The following GALNT2 variants were observed in gnomAD, a reference collection of about 807,000 sequenced individuals.
The protein encoded by GALNT2 is UDP-GalNAc:polypeptide N-acetylgalactosaminyltransferase 2.
GALNT2 carries 31 observed loss-of-function variants against 81.4 expected under a neutral mutation model. The ratio of observed to expected loss-of-function variants is 0.38; its 90% CI spans 0.29 to 0.51. GALNT2 has a LOEUF of 0.51. Among genes scored for constraint, GALNT2 ranks in the 20% least tolerant of loss-of-function variants. GALNT2 has a pLI of 0.87. For missense variants in GALNT2, 629 were observed against 765.7 expected (o/e 0.82, Z 2.11); for synonymous variants, 303 against 287.4 (o/e 1.05, Z -0.55).
At chr1:230,165,522 C>T (rs1438329756) in intron 1 of GALNT2, among the ~76,000 whole-genome samples, 3 of 152,218 alleles carry the variant, frequency 2.0e-5, no homozygotes, top group Non-Finnish European at 4.4e-5. Context: ...GATTTTCAGT[C>T]GCTTTCTAGT....
intron 3 of GALNT2, among the ~76,000 whole-genome samples, chr1:230,223,206 T>TTA (rs1664604214): frequency 6.6e-6 from 1 of 151,070 alleles, no homozygotes; most frequent in South Asian, 2.1e-4. Context: ...TTTTTTTTTT[T>TTA]AATAGAGATG....
chr1:230,095,267 A>T (rs1000378130), intron 1 of GALNT2, among the ~76,000 whole-genome samples: 1 of 152,072 alleles, frequency 6.6e-6, no homozygotes, highest in African/African-American at 2.4e-5. Context: ...TAAAAATAGT[A>T]ACCCCACATG....
At position 230,271,927 on chromosome 1, in the gene GALNT2, A is replaced by G. The variant is rs373983775; in HGVS notation, c.1441-2518A>G. Among the ~76,000 whole-genome samples the G allele has an allele frequency of 1.1e-4, 16 of 152,324 alleles. No homozygotes were observed. The East Asian group carries it at 1.9e-3, about 18-fold the overall frequency. On this transcript the variant is annotated intron_variant, in intron 14 of 15. Transcript: ENST00000366672. The surrounding 1 kb of genome is among the most constrained non-coding windows in gnomAD (Gnocchi z 4.2). ...GACTGACGGTTTCAAGCTTCTCAGC[A>G]TAACCTGGTCTTTCTGGTGACCAGC...
In GALNT2 at chr1:230,110,714, G is replaced by GTTTTTTTTTTTTTTTTTTT. The variant is rs113630188; in HGVS notation, c.126+43322_126+43323insTTTTTTTTTTTTTTTTTTT. On this transcript the variant is annotated intron_variant, in intron 1 of 15. Transcript: ENST00000366672. Reference sequence around the variant, plus strand: ...GGGTCTCTCTCAGCTGTGCTTTTCTGTTTTTTTTTTTTTTGTCTTCAATAG... The same window carrying GTTTTTTTTTTTTTTTTTTT: ...GGGTCTCTCTCAGCTGTGCTTTTCTGTTTTTTTTTTTTTTTTTTTTTTTTTTTTTTTTTGTCTTCAATAG... 3.6e-5 allele frequency among the ~76,000 whole-genome samples: 5 copies of GTTTTTTTTTTTTTTTTTTT among 137,656 alleles called. 1 individual carries two copies. Among genetic ancestry groups the GTTTTTTTTTTTTTTTTTTT allele is most frequent in the Non-Finnish European group, 1.6e-5 (1 of 63,650 alleles). 90.3% of individuals were successfully genotyped at this position (137,656 alleles called of 152,430 possible). A position where few individuals can be genotyped will look rare whatever the true frequency, so the allele number is the denominator to read the frequency against.
At chr1:230,245,082 A>G (rs1665323531) in intron 7 of GALNT2, among the ~76,000 whole-genome samples, 1 of 152,178 alleles carries the variant, frequency 6.6e-6, no homozygotes, top group Non-Finnish European at 1.5e-5. Context: ...AGAGATGTTA[A>G]AAGGCCTTAT....
At chr1:230,236,574 CTTAGATGA>C (rs1229432896) in intron 5 of GALNT2, 78 bp from the exon 6 acceptor site, 22 of 1,460,332 alleles carry the variant, frequency 1.5e-5, no homozygotes, top group Non-Finnish European at 1.7e-5. Context: ...ATAATCGGCC[CTTAGATGA>C]TTGAGAATAC....
At chr1:230,062,001 A>G (rs55783932) in intron 1 of GALNT2, among the ~76,000 whole-genome samples, 1 of 152,154 alleles carries the variant, frequency 6.6e-6, no homozygotes, top group Non-Finnish European at 1.5e-5. Flanking sequence ...AATATCCTGG[A>G]TATTACGCTA....
In GALNT2 at chr1:230,279,395, C is replaced by CGTG. The variant is rs761075592; in HGVS notation, c.1655_1657dup (p.Val552dup). The CGTG allele has an allele frequency of 6.2e-7, 1 of 1,614,128 alleles. No homozygotes were observed. Among genetic ancestry groups the CGTG allele is most frequent in the South Asian group, 1.1e-5 (1 of 91,078 alleles). Reference sequence around the variant, plus strand: ...GCACGGCCAAGAGCGGGGGCCTAAGCGTGGAGGTGTGTGGCCCGGCCCTTT... The same window carrying CGTG: ...GCACGGCCAAGAGCGGGGGCCTAAGCGTGGTGGAGGTGTGTGGCCCGGCCCTTT... On this transcript the variant is annotated inframe_insertion, in exon 16 of 16. Coordinates refer to ENST00000366672, the MANE Select transcript of GALNT2 (RefSeq NM_004481.5). The surrounding 1 kb of genome is among the most constrained non-coding windows in gnomAD (Gnocchi z 4.6).
chr1:230,216,628 A>G (rs542724764), intron 3 of GALNT2, among the ~76,000 whole-genome samples: 52 of 152,180 alleles, frequency 3.4e-4, no homozygotes, highest in African/African-American at 8.9e-4. Context: ...GGGTGTTGCT[A>G]TGTTGCCCAC....
intron 2 of GALNT2, among the ~76,000 whole-genome samples, chr1:230,191,822 C>T (rs10779837): frequency 0.19 from 29,314 of 152,192 alleles, 3,301 homozygotes; most frequent in East Asian, 0.52. Context: ...CAGGAAGCAG[C>T]GTTTGTTTTT....
intron 10 of GALNT2, 85 bp downstream of exon 10, chr1:230,250,645 G>A: frequency 1.1e-6 from 1 of 904,884 alleles, no homozygotes; most frequent in South Asian, 1.7e-5. Context: ...AAATTTAAAA[G>A]GCTTCAGAGT....
At chr1:230,244,966 G>T (rs1665318813) in intron 7 of GALNT2, among the ~76,000 whole-genome samples, 1 of 152,128 alleles carries the variant, frequency 6.6e-6, no homozygotes, top group Admixed American at 6.5e-5. Flanking sequence ...GCTAATAAGG[G>T]TTCTCTAAGT....
At chr1:230,179,416 C>T (rs1663089000) in intron 2 of GALNT2, among the ~76,000 whole-genome samples, 1 of 152,210 alleles carries the variant, frequency 6.6e-6, no homozygotes, top group South Asian at 2.1e-4. Context: ...TCCATTCCCA[C>T]CACAGTGAGT....
chr1:230,114,277 C>T (rs1660781073), intron 1 of GALNT2, among the ~76,000 whole-genome samples: 2 of 152,174 alleles, frequency 1.3e-5, no homozygotes, highest in Admixed American at 1.3e-4. Context: ...CCTTTCTCTG[C>T]TGTCCCCCAG....
At position 230,167,759 on chromosome 1, in the gene GALNT2, C is replaced by T. The variant is rs563640028; in HGVS notation, c.127-10459C>T. On this transcript the variant is annotated intron_variant, in intron 1 of 15. Coordinates refer to ENST00000366672, the MANE Select transcript of GALNT2 (RefSeq NM_004481.5). ...GAAATGTGCAGGGCTGCAGCCTGGC[C>T]GGCTGACGAGGCTGCCTCCTGCTGG... 1.4e-3 allele frequency among the ~76,000 whole-genome samples: 213 copies of T among 152,228 alleles called. 1 individual carries two copies. Among genetic ancestry groups the T allele is most frequent in the African/African-American group, 4.9e-3 (202 of 41,542 alleles).
chr1:230,071,827 G>A (rs1659385060), intron 1 of GALNT2, among the ~76,000 whole-genome samples: 2 of 152,196 alleles, frequency 1.3e-5, no homozygotes, highest in South Asian at 4.1e-4. Flanking sequence ...AGAAAATAAA[G>A]TTTCCCAATT....
At chr1:230,162,318 C>T (rs1662460707) in intron 1 of GALNT2, among the ~76,000 whole-genome samples, 1 of 152,210 alleles carries the variant, frequency 6.6e-6, no homozygotes, top group Non-Finnish European at 1.5e-5. Context: ...TTTCCATACA[C>T]TCTTTCTCAT....
chr1:230,091,347 TA>T (rs1660072746), intron 1 of GALNT2, among the ~76,000 whole-genome samples: 1 of 151,794 alleles, frequency 6.6e-6, no homozygotes, highest in Non-Finnish European at 1.5e-5. Context: ...GTGCTGGGAT[TA>T]CAGGTGTGAG....
At chr1:230,172,767 A>G (rs1037739552) in intron 1 of GALNT2, among the ~76,000 whole-genome samples, 2 of 152,220 alleles carry the variant, frequency 1.3e-5, no homozygotes, top group Admixed American at 6.5e-5. Flanking sequence ...GGAATATTCT[A>G]TTAACAACGA....
Sources: gnomAD v4.1 joint callset for allele counts (sites outside exome capture counted in the v4.1 genomes callset) on GRCh38, gnomAD v4.1.1 for gene constraint, Gnocchi (gnomAD v3.1) non-coding constraint, MANE v1.5 for transcripts, NCBI Gene and HGNC (gene_info 2026-07-23, HGNC 2026-07-21) for gene names.